The following ARMH1 variants were observed in gnomAD, a reference collection of about 807,000 sequenced individuals.
ARMH1 encodes armadillo like helical domain containing 1.
Under a neutral mutation model 50.2 loss-of-function variants are expected in ARMH1, and 34 were observed. The ratio of observed to expected loss-of-function variants is 0.68; its 90% CI spans 0.51 to 0.90. ARMH1 has a LOEUF of 0.90. ARMH1 is among the 40% of genes least tolerant of loss of function. The pLI, the probability that ARMH1 is intolerant of heterozygous loss-of-function variation, is 0.00. For missense variants in ARMH1, 538 were observed against 553.9 expected (o/e 0.97, Z 0.29); for synonymous variants, 221 against 224.2 (o/e 0.99, Z 0.13).
Position 44,724,814 on chromosome 1 carries a change from G to C in ARMH1, c.1103G>C (p.Gly368Ala). 6.5e-7 allele frequency: 1 copy of C among 1,542,850 alleles called. No individual in the cohort carries two copies. The highest frequency in any genetic ancestry group is 2.4e-5 in the East Asian group (1 of 40,908). Residue 368 changes from glycine to alanine, a missense_variant, in exon 10 of 12, where the codon GGG (glycine) becomes GCG (alanine). Gly to Ala is a moderately conservative substitution (Grantham distance 60, BLOSUM62 0). Coordinates refer to ENST00000535358, the MANE Select transcript of ARMH1 (RefSeq NM_001145636.2). The surrounding 1 kb of genome is among the most constrained non-coding windows in gnomAD (Gnocchi z 6.4). ...GCGGAGCACGTGCGCAAGTGCATGG[G>C]GGAGGAACTCTACCAGCTCTTCCTG... Reference protein sequence around the residue: ...LVAEHVRKCMGEELYQLFLSN... With the variant: ...LVAEHVRKCMAEELYQLFLSN...
rs552374347 is a variant in ARMH1, at chr1:44,693,600, C to T, written c.207-3502C>T. Among the ~76,000 whole-genome samples the T allele has an allele frequency of 3.9e-5, 6 of 152,162 alleles. No individual in the cohort carries two copies. The South Asian group carries it at 1.2e-3, about 32-fold the overall frequency. On this transcript the variant is annotated intron_variant, in intron 2 of 11. Transcript: ENST00000535358. ...AGTGGCTGGGACTATAGGCATGCAC[C>T]ACCACATCCCCAACTAATTTTATTA... is the stretch of plus-strand genomic sequence containing the variant.
intron 6 of ARMH1, among the ~76,000 whole-genome samples, chr1:44,705,552 T>C (rs954298128): frequency 6.6e-6 from 1 of 151,992 alleles, no homozygotes; most frequent in Non-Finnish European, 1.5e-5. Context: ...GTACAAACCC[T>C]GGTACATATT....
chr1:44,696,963 G>C (rs1046546099), intron 2 of ARMH1, 139 bp from the exon 3 acceptor site: 23 of 639,818 alleles, frequency 3.6e-5, no homozygotes, highest in Non-Finnish European at 5.9e-5. Flanking sequence ...CCCTTCCGCT[G>C]GTAGCTCCTC....
At chr1:44,689,564 AT>A in intron 1 of ARMH1, 111 bp from the exon 2 acceptor site, 1 of 805,554 alleles carries the variant, frequency 1.2e-6, no homozygotes, top group Non-Finnish European at 2.0e-6. Flanking sequence ...GCATAACTAC[AT>A]CCATTTGCAT....
At position 44,689,750 on chromosome 1, in the gene ARMH1, A is replaced by G. The variant is rs1433053803; in HGVS notation, c.53A>G (p.Gln18Arg). ...AAISRLLSFL[Q>R]EWDNAGKVAR... ...ATTAGCAGGCTCTTAAGTTTTTTAC[A>G]GGAGTGGGACAACGCTGGCAAAGTC... Residue 18 changes from glutamine (Q) to arginine (R), a missense_variant, in exon 2 of 12, where the codon CAG (glutamine) becomes CGG (arginine). By Grantham distance (43) the Gln-to-Arg change is conservative (BLOSUM62 1). Transcript: ENST00000535358. 2 of 1,552,072 alleles carry G rather than the reference A, an allele frequency of 1.3e-6. No homozygotes were observed. Among genetic ancestry groups the G allele is most frequent in the South Asian group, 2.4e-5 (2 of 84,058 alleles).
intron 5 of ARMH1, among the ~76,000 whole-genome samples, chr1:44,703,813 G>A (rs1486694521): frequency 2.1e-4 from 32 of 150,106 alleles, no homozygotes; most frequent in African/African-American, 7.3e-4. Context: ...TGCAAGCTCT[G>A]CCTCCCGGGT....
Position 44,724,885 on chromosome 1 carries a change from C to A in ARMH1, c.1128+46C>A. ...CCGCCGCAATGAGCAGATGGCGGCT[C>A]GGACAGTGTGATGCCCCTTCAGACA... On this transcript the variant is annotated intron_variant, in intron 10 of 11. Transcript: ENST00000535358. The surrounding 1 kb of genome is among the most constrained non-coding windows in gnomAD (Gnocchi z 6.4). 2.0e-6 allele frequency: 3 copies of A among 1,529,706 alleles called. No individual in the cohort carries two copies. The South Asian group carries it at 3.6e-5, about 19-fold the overall frequency. 94.8% of individuals were successfully genotyped at this position (1,529,706 alleles called of 1,614,324 possible). A position where few individuals can be genotyped will look rare whatever the true frequency, so the allele number is the denominator to read the frequency against.
At chr1:44,717,026 G>A (rs375988214) in intron 6 of ARMH1, among the ~76,000 whole-genome samples, 13 of 151,668 alleles carry the variant, frequency 8.6e-5, no homozygotes, top group African/African-American at 3.2e-4. Context: ...AATTTTTGTA[G>A]TTTTAGTAGA....
chr1:44,714,839 G>A (rs1285389357), intron 6 of ARMH1, among the ~76,000 whole-genome samples: 1 of 151,778 alleles, frequency 6.6e-6, no homozygotes, highest in African/African-American at 2.4e-5. Flanking sequence ...TTTTAGAGAT[G>A]GGATCTCACG....
chr1:44,687,135 G>C (rs1645498745), intron 1 of ARMH1, among the ~76,000 whole-genome samples: 2 of 152,120 alleles, frequency 1.3e-5, no homozygotes, highest in Admixed American at 1.3e-4. Flanking sequence ...AGTTCTGGAG[G>C]CTGGAAGGCT....
At chr1:44,721,256 G>A (rs1647103436) in intron 6 of ARMH1, among the ~76,000 whole-genome samples, 1 of 152,044 alleles carries the variant, frequency 6.6e-6, no homozygotes, top group African/African-American at 2.4e-5. Flanking sequence ...GTTGAATGTG[G>A]ACAAAGGTAG....
chr1:44,709,743 C>G (rs1451544456), intron 6 of ARMH1, among the ~76,000 whole-genome samples: 1 of 150,616 alleles, frequency 6.6e-6, no homozygotes, highest in Non-Finnish European at 1.5e-5. Context: ...GAGGCTGAGG[C>G]AGGAGAATTG....
Position 44,683,871 on chromosome 1 carries a change from G to A in ARMH1, c.-22-5805G>A, listed in dbSNP as rs1645385636. ...TAAGAGGATTAAAACAAAGAATTTA[G>A]GCAGGGTGCGGTGGCTCACACCTGT... On this transcript the variant is annotated intron_variant, in intron 1 of 11. Transcript: ENST00000535358. This position sits in a 1 kb window ranked among gnomAD's most constrained non-coding sequence, Gnocchi z 4.2. Among the ~76,000 whole-genome samples, 1 of 152,132 alleles carries A rather than the reference G, an allele frequency of 6.6e-6. No homozygotes were observed. The highest frequency in any genetic ancestry group is 2.4e-5 in the African/African-American group (1 of 41,416).
chr1:44,722,571 C>A (rs2148796610), intron 6 of ARMH1, among the ~76,000 whole-genome samples: 1 of 150,670 alleles, frequency 6.6e-6, no homozygotes, highest in Admixed American at 6.6e-5. Context: ...CATGGTGAAA[C>A]CCTGTCTCTA....
At chr1:44,718,412 G>A (rs889833550) in intron 6 of ARMH1, among the ~76,000 whole-genome samples, 3 of 152,236 alleles carry the variant, frequency 2.0e-5, no homozygotes, top group Non-Finnish European at 4.4e-5. Context: ...GAAACCAAAT[G>A]GTAGAACAAG....
At chr1:44,718,815 G>A (rs935361208) in intron 6 of ARMH1, among the ~76,000 whole-genome samples, 1 of 151,956 alleles carries the variant, frequency 6.6e-6, no homozygotes, top group African/African-American at 2.4e-5. Flanking sequence ...ACCTGAAGTC[G>A]GGAGTTCAAG....
At position 44,724,928 on chromosome 1, in the gene ARMH1, CG is replaced by C; in HGVS notation, c.1128+90del. 1 of 1,503,274 alleles carries C rather than the reference CG, an allele frequency of 6.7e-7. No individual in the cohort carries two copies. Among genetic ancestry groups the C allele is most frequent in the Non-Finnish European group, 8.9e-7 (1 of 1,125,476 alleles). 93.1% of individuals were successfully genotyped at this position (1,503,274 alleles called of 1,614,324 possible). On this transcript the variant is annotated intron_variant, in intron 10 of 11. Transcript: ENST00000535358. This position sits in a 1 kb window ranked among gnomAD's most constrained non-coding sequence, Gnocchi z 6.4. ...TTCAGACAGTCCCCATCCTGGAGCG[CG>C]CCACATGCAGAGTGGACCTGGCCAC...
intron 1 of ARMH1, among the ~76,000 whole-genome samples, chr1:44,675,494 C>T (rs1306063987): frequency 2.0e-5 from 3 of 151,884 alleles, no homozygotes; most frequent in Non-Finnish European, 4.4e-5. Flanking sequence ...TTCATCTCTA[C>T]AAAATTAAAA....
At chr1:44,690,034 A>C (rs1420109615) in intron 2 of ARMH1, 131 bp downstream of exon 2, 4 of 738,068 alleles carry the variant, frequency 5.4e-6, no homozygotes, top group Non-Finnish European at 8.7e-6. Flanking sequence ...CCTAACCAAC[A>C]TGGTGAAACC....
Sources: allele counts gnomAD v4.1 joint callset (sites outside exome capture counted in the v4.1 genomes callset), GRCh38; gene constraint gnomAD v4.1.1; non-coding constraint Gnocchi (gnomAD v3.1); transcripts MANE v1.5; gene names NCBI Gene and HGNC (gene_info 2026-07-23, HGNC 2026-07-21).